Variants in IFT88 observed in about 807,000 individuals in gnomAD.
IFT88 encodes the protein intraflagellar transport 88, also known as intraflagellar transport protein 88 homolog.
A neutral mutation model predicts 119.5 loss-of-function variants in IFT88; 74 were observed. The observed-to-expected ratio is 0.62, with a 90% CI of 0.51 to 0.75. The LOEUF is 0.75. Ranked by LOEUF, IFT88 falls within the 30% of genes least tolerant of loss-of-function variation. The pLI, the probability that IFT88 is intolerant of heterozygous loss-of-function variation, is 0.00. For missense variants in IFT88, 961 were observed against 977.7 expected, an observed-to-expected ratio of 0.98 and a Z score of 0.23; for synonymous variants, 279 against 316.7, an observed-to-expected ratio of 0.88 and a Z score of 1.26.
intron 2 of IFT88, among the ~76,000 whole-genome samples, chr13:20,582,285 C>T (rs2038838358): frequency 6.6e-6 from 1 of 152,152 alleles, no homozygotes; most frequent in South Asian, 2.1e-4. Flanking sequence ...CTGTTCTTTT[C>T]CTCAAATTTC....
At position 20,691,170 on chromosome 13, in the gene IFT88, G is replaced by A; in HGVS notation, c.2470G>A (p.Glu824Lys). The A allele has an allele frequency of 1.2e-6, 2 of 1,612,414 alleles. No individual in the cohort carries two copies. Among genetic ancestry groups the A allele is most frequent in the Non-Finnish European group, 8.5e-7 (1 of 1,178,970 alleles). The change falls in exon 26 of 26, where the codon GAA (glutamate) becomes AAA (lysine). Residue 824 changes from glutamate to lysine, a missense_variant. Transcript: ENST00000351808. ...DEELGDDLLP[E>K] is the part of the protein sequence containing the mutation. ...AGAATTAGGAGATGATTTGCTTCCAGAATAATATTCACTTTAATATTTATT... is the reference window on the plus strand; with the variant it reads ...AGAATTAGGAGATGATTTGCTTCCAAAATAATATTCACTTTAATATTTATT...
intron 14 of IFT88, among the ~76,000 whole-genome samples, chr13:20,622,268 G>T (rs2497481): frequency 0.9 from 137,442 of 152,216 alleles, 62,225 homozygotes; most frequent in East Asian, 1. Context: ...GGCTTCCACA[G>T]TTTGGCAATT....
At chr13:20,582,461 T>A (rs2038883940) in intron 2 of IFT88, among the ~76,000 whole-genome samples, 1 of 152,166 alleles carries the variant, frequency 6.6e-6, no homozygotes, top group African/African-American at 2.4e-5. Flanking sequence ...TCCAGTGAGA[T>A]GAAAAATCCT....
At chr13:20,610,889 A>G (rs73431383) in intron 13 of IFT88, among the ~76,000 whole-genome samples, 3,976 of 152,210 alleles carry the variant, frequency 0.026, 172 homozygotes, top group African/African-American at 0.09. Flanking sequence ...CTGTAATCCT[A>G]GCACTTTGTG....
At chr13:20,598,514 AC>A (rs958726518) in intron 9 of IFT88, 136 bp from the exon 10 acceptor site, 3 of 502,184 alleles carry the variant, frequency 6.0e-6, no homozygotes, top group African/African-American at 3.8e-5. Context: ...TCTTTTGTTT[AC>A]TTAATTTCAT....
intron 22 of IFT88, among the ~76,000 whole-genome samples, chr13:20,662,636 A>G (rs2054004234): frequency 6.6e-6 from 1 of 152,222 alleles, no homozygotes; most frequent in South Asian, 2.1e-4. Context: ...TTGCAGTTGT[A>G]TTGAAGGAAA....
At chr13:20,674,465 G>A (rs2056358504) in intron 24 of IFT88, among the ~76,000 whole-genome samples, 1 of 151,906 alleles carries the variant, frequency 6.6e-6, no homozygotes. Flanking sequence ...GTGTTATTAA[G>A]CTTTCATTTT....
intron 1 of IFT88, among the ~76,000 whole-genome samples, chr13:20,572,627 A>T (rs534393923): frequency 6.6e-6 from 1 of 152,296 alleles, no homozygotes; most frequent in South Asian, 2.1e-4. Context: ...TATAGTTCTT[A>T]CTTTTGAGGT....
intron 24 of IFT88, among the ~76,000 whole-genome samples, chr13:20,690,289 A>G (rs930559145): frequency 1.3e-5 from 2 of 152,196 alleles, no homozygotes; most frequent in Admixed American, 6.5e-5. Flanking sequence ...TTCTGGTTAA[A>G]AAGTACTACT....
intron 13 of IFT88, chr13:20,607,444 C>T (rs951565221): frequency 1.2e-5 from 8 of 664,186 alleles, no homozygotes; most frequent in Admixed American, 1.9e-5. Context: ...ACAAGGTGTA[C>T]TTGTCACTCA....
intron 1 of IFT88, chr13:20,567,854 A>AG (rs1367714151): frequency 9.6e-5 from 94 of 974,790 alleles, no homozygotes; most frequent in Non-Finnish European, 1.2e-4. Context: ...TCTGGTTGTG[A>AG]GTTTTTTTTG....
chr13:20,670,487 T>G (rs543718615), intron 23 of IFT88, among the ~76,000 whole-genome samples: 1 of 152,014 alleles, frequency 6.6e-6, no homozygotes, highest in South Asian at 2.1e-4. Flanking sequence ...TAATCATACT[T>G]TTATTTTATA....
intron 13 of IFT88, among the ~76,000 whole-genome samples, chr13:20,610,156 T>A (rs2044236900): frequency 6.6e-6 from 1 of 152,018 alleles, no homozygotes; most frequent in African/African-American, 2.4e-5. Context: ...ATTCTGTATT[T>A]AAGATGTTAA....
chr13:20,672,286 A>T (rs922930020), intron 24 of IFT88, among the ~76,000 whole-genome samples: 2 of 152,186 alleles, frequency 1.3e-5, no homozygotes, highest in African/African-American at 4.8e-5. Context: ...CCCAAGAGTC[A>T]GTCCAGCGTC....
intron 14 of IFT88, among the ~76,000 whole-genome samples, chr13:20,624,083 T>C (rs1440728829): frequency 2.0e-5 from 3 of 152,210 alleles, no homozygotes; most frequent in African/African-American, 4.8e-5. Context: ...AAGATATTCA[T>C]TGAATAATTT....
intron 9 of IFT88, among the ~76,000 whole-genome samples, chr13:20,597,390 G>A (rs531383713): frequency 6.6e-6 from 1 of 152,178 alleles, no homozygotes; most frequent in East Asian, 1.9e-4. Context: ...GAGGATTACT[G>A]AGTGAGCTCA....
chr13:20,671,561 G>A (rs1163946969), intron 24 of IFT88, among the ~76,000 whole-genome samples: 1 of 152,118 alleles, frequency 6.6e-6, no homozygotes, highest in Non-Finnish European at 1.5e-5. Flanking sequence ...GGCTTTTGGT[G>A]ATTTCTGAAG....
At chr13:20,663,728 C>T in intron 23 of IFT88, 124 bp downstream of exon 23, 1 of 672,758 alleles carries the variant, frequency 1.5e-6, no homozygotes, top group Non-Finnish European at 2.5e-6. Context: ...TCTGCTCTGA[C>T]ATAATAGGAG....
At position 20,625,770 on chromosome 13, in the gene IFT88, C is replaced by G. The variant is rs1281509940; in HGVS notation, c.1220C>G (p.Ala407Gly). ...TATAGGTGCGTGGAAGTGGTGAAAG[C>G]TTCTCAATATGTAGAGCTAGCCAAT... is the stretch of plus-strand genomic sequence containing the variant. Reference protein sequence around the residue: ...GYDWCVEVVKASQYVELANDL... With the variant: ...GYDWCVEVVKGSQYVELANDL... Residue 407 changes from alanine (A) to glycine (G), a missense_variant, in exon 15 of 26, where the codon GCT (alanine) becomes GGT (glycine). Transcript: ENST00000351808. 5.0e-6 allele frequency: 8 copies of G among 1,603,632 alleles called. No homozygotes were observed. Among genetic ancestry groups the G allele is most frequent in the Non-Finnish European group, 6.8e-6 (8 of 1,176,842 alleles).
Sources: gnomAD v4.1 joint callset for allele counts (sites outside exome capture counted in the v4.1 genomes callset) on GRCh38, gnomAD v4.1.1 for gene constraint, MANE v1.5 for transcripts, NCBI Gene and HGNC (gene_info 2026-07-23, HGNC 2026-07-21) for gene names.